The following ARFGEF2 variants were observed in gnomAD, a reference collection of about 807,000 sequenced individuals.
ARFGEF2 encodes the protein brefeldin A-inhibited guanine nucleotide-exchange protein 2.
Under a neutral mutation model 219.9 loss-of-function variants are expected in ARFGEF2, and 74 were observed. The ratio of observed to expected loss-of-function variants is 0.34; its 90% confidence interval spans 0.28 to 0.41. ARFGEF2 has a LOEUF of 0.41. Ranked by LOEUF, ARFGEF2 falls within the 10% of genes least tolerant of loss-of-function variation. ARFGEF2 has a pLI of 1.00. For synonymous variants in ARFGEF2, 733 were observed against 799.2 expected, an observed-to-expected ratio of 0.92 and a Z score of 1.40; for missense variants, 1,743 against 2,218.3, an observed-to-expected ratio of 0.79 and a Z score of 4.30.
At chr20:48,976,640 C>G (rs921657171) in intron 14 of ARFGEF2, among the ~76,000 whole-genome samples, 2 of 152,120 alleles carry the variant, frequency 1.3e-5, no homozygotes, top group African/African-American at 2.4e-5. Context: ...ACCCCTGTCT[C>G]TACTAAAAAT....
At chr20:49,021,574 G>A (rs991968119) in intron 34 of ARFGEF2, among the ~76,000 whole-genome samples, 7 of 152,160 alleles carry the variant, frequency 4.6e-5, no homozygotes, top group African/African-American at 9.6e-5. Context: ...GGGGCCGGGC[G>A]CGGTGGCTCA....
chr20:48,941,211 C>G lies in ARFGEF2; in HGVS notation c.134C>G (p.Ala45Gly). The change falls in exon 2 of 39, where the codon GCA (alanine) becomes GGA (glycine). Residue 45 changes from alanine (A) to glycine (G), a missense_variant. Physicochemically the swap from Ala to Gly is moderately conservative, Grantham distance 60. Around this residue, in one of 5 missense-constraint regions of ARFGEF2, gnomAD observed 394 missense variants for 426.6 expected, o/e 0.92. Transcript: ENST00000371917. ...ACQVALDEIK[A>G]EIEKQRLGTA... Reference sequence around the variant, plus strand: ...CCTTCCTTACCAGATGAAATTAAAGCAGAAATAGAAAAGCAGAGGTAAGCT... The same window carrying G: ...CCTTCCTTACCAGATGAAATTAAAGGAGAAATAGAAAAGCAGAGGTAAGCT... 6.2e-7 allele frequency: 1 copy of G among 1,613,248 alleles called. No individual in the cohort carries two copies. The highest frequency in any genetic ancestry group is 8.5e-7 in the Non-Finnish European group (1 of 1,179,548).
chr20:48,976,331 T>C, intron 14 of ARFGEF2, 132 bp downstream of exon 14: 1 of 1,105,284 alleles, frequency 9.0e-7, no homozygotes. Flanking sequence ...CTAAGCCTGA[T>C]TGAGCCAGGC....
In ARFGEF2 at chr20:48,953,162, CTTTT is replaced by C. The variant is rs757681809; in HGVS notation, c.603+288_603+291del. Among the ~76,000 whole-genome samples the C allele has an allele frequency of 9.8e-3, 1,386 of 141,718 alleles. 14 individuals are homozygous for C. Among genetic ancestry groups the C allele is most frequent in the Middle Eastern group, 0.025 (7 of 278 alleles). The allele number at this position is 141,718 out of a possible 152,430, so 93.0% of individuals were successfully genotyped here. On this transcript the variant is annotated intron_variant, in intron 5 of 38. Coordinates refer to ENST00000371917, the MANE Select transcript of ARFGEF2 (RefSeq NM_006420.3). Reference sequence around the variant, plus strand: ...GGAATTTTTCTTTCTTTCTTTCTTTCTTTTTTTTTTTTTCTTTTTTCTTTTTTTT... The same window carrying C: ...GGAATTTTTCTTTCTTTCTTTCTTTCTTTTTTTTTCTTTTTTCTTTTTTTT...
Position 48,921,937 on chromosome 20 carries a change from G to T in ARFGEF2, c.48G>T (p.Glu16Asp). ...GCATGTTCGTGTCCCGGGCCCTGGA[G>T]AAGATCCTAGCCGACAAGGAGGTGA... is the stretch of plus-strand genomic sequence containing the variant. ...TKSMFVSRALEKILADKEVKR... is the reference protein window; with the variant it reads ...TKSMFVSRALDKILADKEVKR... Residue 16 changes from glutamate to aspartate, a missense_variant, in exon 1 of 39, where the codon GAG (glutamate) becomes GAT (aspartate). This residue lies in a region of ARFGEF2 where 394 missense variants were observed against 426.6 expected (regional missense o/e 0.92). Transcript: ENST00000371917. 6.4e-7 allele frequency: 1 copy of T among 1,563,716 alleles called. No individual in the cohort carries two copies. The highest frequency in any genetic ancestry group is 1.4e-5 in the African/African-American group (1 of 73,750).
intron 17 of ARFGEF2, 48 bp from the exon 18 acceptor site, chr20:48,988,443 G>T: frequency 6.2e-7 from 1 of 1,610,114 alleles, no homozygotes; most frequent in South Asian, 1.1e-5. Context: ...GGCTTTACTT[G>T]GGCAATTGGA....
chr20:48,938,975 TGTTTG>T (rs1568692120), intron 1 of ARFGEF2, among the ~76,000 whole-genome samples: 32 of 148,632 alleles, frequency 2.2e-4, no homozygotes, highest in Admixed American at 8.9e-4. Flanking sequence ...GGGTTTTTTT[TGTTTG>T]TTTTTTTTTT....
At chr20:48,928,733 A>C (rs2090894864) in intron 1 of ARFGEF2, among the ~76,000 whole-genome samples, 1 of 151,732 alleles carries the variant, frequency 6.6e-6, no homozygotes, top group African/African-American at 2.4e-5. Flanking sequence ...TGACCTCGTG[A>C]TCTGCCCGCC....
At chr20:48,999,268 C>A (rs1011246957) in intron 25 of ARFGEF2, 7 of 452,824 alleles carry the variant, frequency 1.5e-5, no homozygotes, top group Admixed American at 1.2e-4. Flanking sequence ...GTTTTTAAAT[C>A]AGTAACAAGC....
At chr20:49,026,400 A>G (rs2091602929) in intron 36 of ARFGEF2, among the ~76,000 whole-genome samples, 1 of 152,116 alleles carries the variant, frequency 6.6e-6, no homozygotes, top group African/African-American at 2.4e-5. Flanking sequence ...TAGTCTAGGA[A>G]AAACAGAAAC....
Position 49,035,675 on chromosome 20 carries a change from A to C in ARFGEF2, c.*2476A>C. The C allele has an allele frequency of 6.6e-6, 1 of 152,428 alleles. No homozygotes were observed. Among genetic ancestry groups the C allele is most frequent in the East Asian group, 1.9e-4 (1 of 5,192 alleles). The allele number at this position is 152,428 out of a possible 1,614,324, so 9.4% of individuals were successfully genotyped here. The stretch of plus-strand genomic sequence containing the variant: ...AATGGAGGAGAGTGAAACATTTTCC[A>C]AGGCCTTATTTCTTTTTCAGAATGC... On this transcript the variant is annotated 3_prime_UTR_variant, in exon 39 of 39. Transcript: ENST00000371917.
intron 13 of ARFGEF2, among the ~76,000 whole-genome samples, chr20:48,975,288 T>C (rs2091253984): frequency 6.6e-6 from 1 of 152,160 alleles, no homozygotes; most frequent in Non-Finnish European, 1.5e-5. Context: ...GCTCAAGCGA[T>C]CCTCCCACCT....
At chr20:48,946,480 TA>T (rs1684395740) in intron 3 of ARFGEF2, among the ~76,000 whole-genome samples, 3 of 62,496 alleles carry the variant, frequency 4.8e-5, no homozygotes, top group African/African-American at 2.1e-4. Flanking sequence ...ATCAATTTTA[TA>T]TATATATATA....
intron 26 of ARFGEF2, among the ~76,000 whole-genome samples, chr20:49,007,879 C>T (rs983401749): frequency 1.3e-5 from 2 of 152,122 alleles, no homozygotes; most frequent in Non-Finnish European, 2.9e-5. Flanking sequence ...GGCCAAGCCA[C>T]GTGTGCAAGC....
intron 37 of ARFGEF2, among the ~76,000 whole-genome samples, chr20:49,029,290 T>C (rs932777305): frequency 4.6e-5 from 7 of 152,120 alleles, no homozygotes; most frequent in Admixed American, 2.0e-4. Context: ...TGCTGGCAAA[T>C]GTGTGGTAAG....
intron 6 of ARFGEF2, among the ~76,000 whole-genome samples, chr20:48,962,069 G>A (rs4810900): frequency 0.62 from 93,334 of 150,540 alleles, 28,883 homozygotes; most frequent in African/African-American, 0.68. Context: ...AATCCCAGCT[G>A]CTCAGGAGGC....
chr20:49,023,252 A>G, intron 35 of ARFGEF2, 71 bp downstream of exon 35: 2 of 1,593,526 alleles, frequency 1.3e-6, no homozygotes, highest in South Asian at 2.2e-5. Context: ...TGGTGTGCGG[A>G]AGCCAGCTTG....
intron 14 of ARFGEF2, among the ~76,000 whole-genome samples, chr20:48,981,251 G>A (rs1245163944): frequency 6.6e-6 from 1 of 152,140 alleles, no homozygotes; most frequent in Non-Finnish European, 1.5e-5. Context: ...GTTTAGTTTG[G>A]CTGGATATGA....
intron 21 of ARFGEF2, among the ~76,000 whole-genome samples, chr20:48,992,003 G>A (rs1373796765): frequency 6.6e-6 from 1 of 152,182 alleles, no homozygotes; most frequent in African/African-American, 2.4e-5. Context: ...GTGCAGCTTG[G>A]AAATTCTAGG....
Sources: allele counts gnomAD v4.1 joint callset (sites outside exome capture counted in the v4.1 genomes callset), GRCh38; gene constraint gnomAD v4.1.1; regional missense constraint gnomAD v4.1.1; transcripts MANE v1.5; gene names NCBI Gene and HGNC (gene_info 2026-07-23, HGNC 2026-07-21).